The following RDH12 variants were observed in gnomAD, a reference collection of about 807,000 sequenced individuals.
RDH12 encodes retinol dehydrogenase 12.
In RDH12, 21 loss-of-function variants were observed where a neutral mutation model predicts 34.0. The observed-to-expected ratio is 0.62, with a 90% CI of 0.44 to 0.89. The LOEUF (loss-of-function observed/expected upper bound fraction) is 0.89, where lower values mean the gene tolerates loss of function less well. Ranked by LOEUF, RDH12 falls within the 40% of genes least tolerant of loss-of-function variation. The probability of loss-of-function intolerance (pLI) is 0.00; values close to 1 mark genes in which losing one functional copy is unlikely to be tolerated. For missense variants in RDH12, 394 were observed against 398.6 expected, an observed-to-expected ratio of 0.99 and a Z score of 0.10; for synonymous variants, 198 against 169.9, an observed-to-expected ratio of 1.17 and a Z score of -1.29.
chr14:67,723,289 A>T (rs183151313), intron 3 of RDH12, among the ~76,000 whole-genome samples: 37 of 152,272 alleles, frequency 2.4e-4, no homozygotes, highest in Non-Finnish European at 5.0e-4. Flanking sequence ...GGTGGAGTGC[A>T]TTGGTGTAGT....
chr14:67,712,468 C>T (rs941345649), intron 1 of RDH12, among the ~76,000 whole-genome samples: 1 of 62,014 alleles, frequency 1.6e-5, no homozygotes, highest in African/African-American at 4.8e-5. Context: ...AAACAGAATT[C>T]AGTCAACTGA....
At chr14:67,730,045 A>G (rs1342872934) in intron 8 of RDH12, among the ~76,000 whole-genome samples, 2 of 152,176 alleles carry the variant, frequency 1.3e-5, no homozygotes, top group African/African-American at 4.8e-5. Context: ...ATGAGAGGGG[A>G]ATGGATAAGT....
In RDH12 at chr14:67,727,111, C is replaced by CT. The variant is rs2140145502; in HGVS notation, c.580dup (p.Tyr194LeufsTer20). ...TCCACGACCTCCAGAGCGAGAAGCG[C>CT]TACAGCAGGGGTTTTGCCTATTGCC... On this transcript the variant is annotated frameshift_variant, in exon 7 of 9. Coordinates refer to ENST00000551171, the MANE Select transcript of RDH12 (RefSeq NM_152443.3). LOFTEE classifies it high-confidence loss of function. The CT allele has an allele frequency of 9.9e-6, 16 of 1,614,222 alleles. No homozygotes were observed. The highest frequency in any genetic ancestry group is 1.4e-5 in the Non-Finnish European group (16 of 1,180,044).
chr14:67,721,403 A>G (rs1451175597), intron 2 of RDH12, among the ~76,000 whole-genome samples: 2 of 152,048 alleles, frequency 1.3e-5, no homozygotes, highest in Non-Finnish European at 2.9e-5. Flanking sequence ...ACAGGCACGC[A>G]CCACCACACC....
At chr14:67,713,018 A>G (rs1245450296) in intron 1 of RDH12, among the ~76,000 whole-genome samples, 1 of 152,134 alleles carries the variant, frequency 6.6e-6, no homozygotes, top group African/African-American at 2.4e-5. Flanking sequence ...GATTTGATCA[A>G]GTTGGATAGA....
In RDH12 at chr14:67,713,903, T is replaced by A. The variant is rs180944886; in HGVS notation, c.-274-6945T>A. Among the ~76,000 whole-genome samples, 159 of 152,256 alleles carry A rather than the reference T, an allele frequency of 1.0e-3. 1 individual carries two copies. The highest frequency in any genetic ancestry group is 1.8e-3 in the Non-Finnish European group (123 of 68,014). ...GGTAGGTGAGAGAAAAACAGCTGCA[T>A]TCTTTTGAGTTTCTGTTTAGCCTTT... is the stretch of plus-strand genomic sequence containing the variant. On this transcript the variant is annotated intron_variant, in intron 1 of 8. Transcript: ENST00000551171.
intron 7 of RDH12, chr14:67,727,490 T>TTTTTTTTTTG (rs1566848410): frequency 2.8e-6 from 1 of 352,570 alleles, no homozygotes. Flanking sequence ...TTTTTGTTTT[T>TTTTTTTTTTG]TTTTTTTTGA....
At chr14:67,722,176 G>A (rs956724957) in intron 2 of RDH12, among the ~76,000 whole-genome samples, 4 of 152,140 alleles carry the variant, frequency 2.6e-5, no homozygotes, top group African/African-American at 7.2e-5. Context: ...TCTTCTGGGA[G>A]TTTCCTTCCC....
chr14:67,713,397 C>CAAAAAAA (rs71129850), intron 1 of RDH12, among the ~76,000 whole-genome samples: 1 of 47,630 alleles, frequency 2.1e-5, no homozygotes, highest in Non-Finnish European at 4.1e-5. Context: ...AGTAAAACTC[C>CAAAAAAA]AAAAAAAAAA....
rs183859132 is a variant in RDH12, at chr14:67,718,059, C to G, written c.-274-2789C>G. 4.6e-5 allele frequency among the ~76,000 whole-genome samples: 7 copies of G among 152,236 alleles called. No individual in the cohort carries two copies. The East Asian group carries it at 9.6e-4, about 21-fold the overall frequency. ...TTTTAAAATCAAGAAAAAGGAACAA[C>G]AAGTCATTATTATTGGTTAAAACAA... On this transcript the variant is annotated intron_variant, in intron 1 of 8. Coordinates refer to ENST00000551171, the MANE Select transcript of RDH12 (RefSeq NM_152443.3).
intron 1 of RDH12, among the ~76,000 whole-genome samples, chr14:67,708,924 C>T (rs1290902899): frequency 6.6e-6 from 1 of 151,774 alleles, no homozygotes; most frequent in African/African-American, 2.4e-5. Flanking sequence ...TCACGAGTAG[C>T]TGGGACTACA....
chr14:67,715,858 CA>C (rs1468554981), intron 1 of RDH12, among the ~76,000 whole-genome samples: 1 of 152,134 alleles, frequency 6.6e-6, no homozygotes. Context: ...GCTGGGGGAA[CA>C]CAAATGTAGA....
Position 67,722,563 on chromosome 14 carries a change from C to A in RDH12, c.-80C>A. ...CAGCAGAAGCAGCCAAGAGCTGGAG[C>A]CAGACCAGGAACCTGAGCCAGAGCT... On this transcript the variant is annotated 5_prime_UTR_variant, in exon 3 of 9. Transcript: ENST00000551171. 1 of 1,213,204 alleles carries A rather than the reference C, an allele frequency of 8.2e-7. No individual in the cohort carries two copies. The highest frequency in any genetic ancestry group is 1.2e-6 in the Non-Finnish European group (1 of 814,382). The allele number at this position is 1,213,204 out of a possible 1,614,324, so 75.2% of individuals were successfully genotyped here. A position where few individuals can be genotyped will look rare whatever the true frequency, so the allele number is the denominator to read the frequency against.
chr14:67,724,998 G>A, intron 4 of RDH12, 101 bp from the exon 5 acceptor site: 1 of 1,319,510 alleles, frequency 7.6e-7, no homozygotes, highest in Non-Finnish European at 1.1e-6. Context: ...AAGGATGGCT[G>A]GGAGAATGAA....
intron 1 of RDH12, among the ~76,000 whole-genome samples, chr14:67,708,064 T>C (rs1489366201): frequency 6.6e-6 from 1 of 152,248 alleles, no homozygotes; most frequent in African/African-American, 2.4e-5. Context: ...AATAGCTGTA[T>C]TGTTATAAGT....
chr14:67,726,437 G>A (rs1341982645), intron 6 of RDH12, among the ~76,000 whole-genome samples: 4 of 152,230 alleles, frequency 2.6e-5, no homozygotes, highest in Non-Finnish European at 5.9e-5. Flanking sequence ...TTGCCAGGCA[G>A]GGCCAGACCT....
intron 5 of RDH12, 64 bp from the exon 6 acceptor site, chr14:67,725,987 G>C: frequency 2.8e-6 from 3 of 1,076,468 alleles, no homozygotes; most frequent in South Asian, 1.2e-5. Flanking sequence ...AATTATGCAG[G>C]TCTGTTACAG....
At chr14:67,703,335 T>C (rs531326080) in intron 1 of RDH12, among the ~76,000 whole-genome samples, 7 of 152,374 alleles carry the variant, frequency 4.6e-5, no homozygotes, top group African/African-American at 1.4e-4. Context: ...TAAAAATCTT[T>C]TATCCTTTTA....
At chr14:67,720,687 C>T (rs2140134861) in intron 1 of RDH12, 161 bp from the exon 2 acceptor site, 1 of 152,344 alleles carries the variant, frequency 6.6e-6, no homozygotes, top group Middle Eastern at 3.4e-3. Context: ...TGCCTATTCA[C>T]CTACCTGTAC....
Sources: gnomAD v4.1 joint callset for allele counts (sites outside exome capture counted in the v4.1 genomes callset) on GRCh38, gnomAD v4.1.1 for gene constraint, MANE v1.5 for transcripts, NCBI Gene and HGNC (gene_info 2026-07-23, HGNC 2026-07-21) for gene names.